PRKACB: variants seen among roughly 807,000 people sequenced by gnomAD.
The protein encoded by PRKACB is cAMP-dependent protein kinase catalytic subunit beta.
Under a neutral mutation model 51.4 loss-of-function variants are expected in PRKACB, and 16 were observed. The ratio of observed to expected loss-of-function variants is 0.31; its 90% CI spans 0.21 to 0.47. The LOEUF is 0.47. PRKACB is among the 20% of genes least tolerant of loss of function. PRKACB has a pLI of 1.00. For missense variants in PRKACB, 309 were observed against 464.5 expected (o/e 0.67, Z 3.08); for synonymous variants, 147 against 154.4 (o/e 0.95, Z 0.35).
chr1:84,116,254 A>G (rs1650629868), intron 1 of PRKACB, among the ~76,000 whole-genome samples: 1 of 152,052 alleles, frequency 6.6e-6, no homozygotes, highest in Non-Finnish European at 1.5e-5. Flanking sequence ...TAGCCTTCTA[A>G]TATACTTTGA....
intron 8 of PRKACB, chr1:84,205,221 C>T: frequency 2.0e-6 from 2 of 984,722 alleles, no homozygotes; most frequent in Non-Finnish European, 2.4e-6. Flanking sequence ...GAATTTTTGC[C>T]ATTAAAAGGC....
intron 1 of PRKACB, among the ~76,000 whole-genome samples, chr1:84,137,939 C>G (rs965215045): frequency 6.6e-6 from 1 of 152,068 alleles, no homozygotes; most frequent in Non-Finnish European, 1.5e-5. Flanking sequence ...CTTATAGACA[C>G]AGTTACATAT....
chr1:84,120,620 A>T (rs899032809), intron 1 of PRKACB, among the ~76,000 whole-genome samples: 4 of 152,012 alleles, frequency 2.6e-5, no homozygotes, highest in African/African-American at 9.7e-5. Flanking sequence ...CAAGTTTAAA[A>T]TTTTTTTCAC....
chr1:84,221,442 G>C (rs969880526), intron 9 of PRKACB, among the ~76,000 whole-genome samples: 111 of 149,484 alleles, frequency 7.4e-4, no homozygotes, highest in African/African-American at 2.4e-3. Flanking sequence ...ATTTCATTTA[G>C]TTGTGCTCTG....
intron 1 of PRKACB, chr1:84,165,145 C>CCTG: frequency 1.4e-6 from 1 of 708,364 alleles, no homozygotes; most frequent in Non-Finnish European, 2.2e-6. Flanking sequence ...CGCTTTTGTA[C>CCTG]TTAGGCATTA....
At chr1:84,206,338 A>G (rs778428580) in intron 8 of PRKACB, among the ~76,000 whole-genome samples, 7 of 152,198 alleles carry the variant, frequency 4.6e-5, no homozygotes, top group African/African-American at 1.4e-4. Context: ...GTAATTGATT[A>G]TCAGCCCAAT....
chr1:84,135,716 A>AT (rs1411255044), intron 1 of PRKACB, among the ~76,000 whole-genome samples: 3 of 152,166 alleles, frequency 2.0e-5, no homozygotes, highest in African/African-American at 7.2e-5. Flanking sequence ...AAGCTAAATG[A>AT]TAATCAGAGT....
intron 1 of PRKACB, among the ~76,000 whole-genome samples, chr1:84,155,055 A>G (rs1359856816): frequency 6.6e-6 from 1 of 152,130 alleles, no homozygotes; most frequent in East Asian, 1.9e-4. Context: ...AAATAAATAA[A>G]TAAATAGCAT....
intron 1 of PRKACB, among the ~76,000 whole-genome samples, chr1:84,154,633 C>T (rs1461997859): frequency 6.6e-6 from 1 of 152,060 alleles, no homozygotes; most frequent in Non-Finnish European, 1.5e-5. Context: ...AGGCCAATAT[C>T]CCTGATGAAC....
chr1:84,132,660 A>T (rs189209551), intron 1 of PRKACB, among the ~76,000 whole-genome samples: 43 of 152,294 alleles, frequency 2.8e-4, no homozygotes, highest in African/African-American at 9.6e-4. Context: ...AGCACAGGAG[A>T]TACATAAAGC....
At chr1:84,161,337 T>C (rs1656167205) in intron 1 of PRKACB, among the ~76,000 whole-genome samples, 1 of 151,926 alleles carries the variant, frequency 6.6e-6, no homozygotes, top group Admixed American at 6.6e-5. Context: ...GTTTTTACTT[T>C]AGCCTATTTA....
intron 1 of PRKACB, among the ~76,000 whole-genome samples, chr1:84,109,319 TG>T: frequency 6.6e-6 from 1 of 152,084 alleles, no homozygotes; most frequent in East Asian, 1.9e-4. Flanking sequence ...CTAAAATGGT[TG>T]TATGAATTTG....
At chr1:84,193,360 A>C (rs1297267109) in intron 5 of PRKACB, among the ~76,000 whole-genome samples, 1 of 152,144 alleles carries the variant, frequency 6.6e-6, no homozygotes, top group Admixed American at 6.6e-5. Flanking sequence ...TTAGGATCCC[A>C]CTTCTGACAC....
intron 9 of PRKACB, among the ~76,000 whole-genome samples, chr1:84,229,199 G>A (rs1675168060): frequency 6.9e-6 from 1 of 144,886 alleles, no homozygotes; most frequent in African/African-American, 2.6e-5. Flanking sequence ...TTTTGTTCTT[G>A]CGATAGTTTA....
chr1:84,163,131 C>T (rs116143582), intron 1 of PRKACB, among the ~76,000 whole-genome samples: 350 of 152,198 alleles, frequency 2.3e-3, no homozygotes, highest in African/African-American at 7.9e-3. Context: ...TGTACTCAAA[C>T]ACTGGGACCA....
intron 1 of PRKACB, among the ~76,000 whole-genome samples, chr1:84,137,459 T>A (rs1430946385): frequency 6.6e-6 from 1 of 152,176 alleles, no homozygotes; most frequent in African/African-American, 2.4e-5. Flanking sequence ...TTTGTCCAAA[T>A]CCACAGCACT....
At chr1:84,143,444 A>G (rs1213699896), upstream of PRKACB, among the ~76,000 whole-genome samples, 1 of 152,016 alleles carries the variant, frequency 6.6e-6, no homozygotes, top group Non-Finnish European at 1.5e-5. Flanking sequence ...GAGTGAAACA[A>G]CGTTTAAAAA....
chr1:84,131,203 C>CA (rs1197760427), intron 1 of PRKACB, among the ~76,000 whole-genome samples: 1 of 151,976 alleles, frequency 6.6e-6, no homozygotes, highest in African/African-American at 2.4e-5. Flanking sequence ...ACTAAAAATA[C>CA]AAAATTAGGT....
upstream of PRKACB, among the ~76,000 whole-genome samples, chr1:84,142,126 A>G (rs531660594): frequency 5.9e-5 from 9 of 152,282 alleles, no homozygotes; most frequent in East Asian, 1.3e-3. Flanking sequence ...ATGAGTGAAT[A>G]CTTTTTTCTT....
Sources: allele counts gnomAD v4.1 joint callset (sites outside exome capture counted in the v4.1 genomes callset), GRCh38; gene constraint gnomAD v4.1.1; transcripts MANE v1.5; gene names NCBI Gene and HGNC (gene_info 2026-07-23, HGNC 2026-07-21).